Variants in PKHD1L1 observed in about 807,000 individuals in gnomAD.
PKHD1L1 encodes fibrocystin-L.
PKHD1L1 carries 434 observed loss-of-function variants against 462.9 expected under a neutral mutation model. The ratio of observed to expected loss-of-function variants is 0.94; its 90% CI spans 0.87 to 1.02. PKHD1L1 has a LOEUF of 1.02. Among genes scored for constraint, PKHD1L1 ranks in the 50% least tolerant of loss-of-function variants. The pLI is 0.00. For missense variants in PKHD1L1, 5,202 were observed against 5,096.1 expected, an observed-to-expected ratio of 1.02 and a Z score of -0.63; for synonymous variants, 1,781 against 1,750.0, an observed-to-expected ratio of 1.02 and a Z score of -0.44.
chr8:109,362,960 A>G (rs1440574718), intron 1 of PKHD1L1, among the ~76,000 whole-genome samples: 1 of 152,172 alleles, frequency 6.6e-6, no homozygotes, highest in Non-Finnish European at 1.5e-5. Flanking sequence ...ACACAAGTAG[A>G]CTGAAATTTG....
At chr8:109,379,988 C>A (rs1454987849) in intron 2 of PKHD1L1, among the ~76,000 whole-genome samples, 1 of 152,166 alleles carries the variant, frequency 6.6e-6, no homozygotes, top group Admixed American at 6.5e-5. Flanking sequence ...CAACCACCAC[C>A]TAACAAGAGC....
chr8:109,518,578 G>C (rs966968751), intron 73 of PKHD1L1, 70 bp downstream of exon 73: 2 of 1,312,274 alleles, frequency 1.5e-6, no homozygotes, highest in East Asian at 4.9e-5. Flanking sequence ...AACCTGATCA[G>C]GGCTTGGTGA....
At position 109,398,548 on chromosome 8, in the gene PKHD1L1, G is replaced by C; in HGVS notation, c.1012G>C (p.Gly338Arg). The change falls in exon 12 of 78, where the codon GGA becomes CGA. Residue 338 changes from glycine to arginine, a missense_variant and splice_region_variant. Coordinates refer to ENST00000378402, the MANE Select transcript of PKHD1L1 (RefSeq NM_177531.6). Reference sequence around the variant, plus strand: ...TCATATTCTCAAAACTGTATATCCAGGTAAGTTACCATAAGGGACAATGGC... The same window carrying C: ...TCATATTCTCAAAACTGTATATCCACGTAAGTTACCATAAGGGACAATGGC... Reference protein sequence around the residue: ...KPHILKTVYPGGRGLKLEVWN... With the variant: ...KPHILKTVYPRGRGLKLEVWN... The C allele has an allele frequency of 1.3e-6, 2 of 1,522,032 alleles. No homozygotes were observed. Among genetic ancestry groups the C allele is most frequent in the Non-Finnish European group, 9.0e-7 (1 of 1,114,384 alleles). The allele number at this position is 1,522,032 out of a possible 1,614,324, so 94.3% of individuals were successfully genotyped here.
At chr8:109,450,912 G>A (rs1816451538) in intron 40 of PKHD1L1, 63 bp from the exon 41 acceptor site, 1 of 1,463,680 alleles carries the variant, frequency 6.8e-7, no homozygotes, top group African/African-American at 1.4e-5. Flanking sequence ...AATGTTTGGA[G>A]GTTTTGGAAA....
chr8:109,381,226 T>G, intron 2 of PKHD1L1, 144 bp from the exon 3 acceptor site: 2 of 733,508 alleles, frequency 2.7e-6, no homozygotes, highest in Non-Finnish European at 4.3e-6. Context: ...AAGATTACAA[T>G]CATAAGGATA....
chr8:109,492,017 T>C, intron 62 of PKHD1L1, 23 bp downstream of exon 62: 1 of 1,426,870 alleles, frequency 7.0e-7, no homozygotes, highest in Non-Finnish European at 9.4e-7. Context: ...AACTTATAAT[T>C]ATACTAATTT....
chr8:109,401,176 A>G (rs1436078095), intron 13 of PKHD1L1, among the ~76,000 whole-genome samples: 1 of 152,096 alleles, frequency 6.6e-6, no homozygotes, highest in Non-Finnish European at 1.5e-5. Flanking sequence ...TTTATTTGTC[A>G]ATAACTACCT....
intron 9 of PKHD1L1, among the ~76,000 whole-genome samples, chr8:109,392,177 G>T (rs781454595): frequency 2.0e-5 from 3 of 151,874 alleles, no homozygotes; most frequent in Non-Finnish European, 1.5e-5. Context: ...ATTATTTTTT[G>T]AACTACATAT....
intron 59 of PKHD1L1, among the ~76,000 whole-genome samples, chr8:109,489,063 G>A (rs1261712684): frequency 6.6e-6 from 1 of 151,796 alleles, no homozygotes; most frequent in Admixed American, 6.6e-5. Flanking sequence ...AAGCCCAGGT[G>A]GCTTGTAGTA....
intron 30 of PKHD1L1, 68 bp downstream of exon 30, chr8:109,436,527 A>T (rs1815423977): frequency 6.4e-7 from 1 of 1,566,602 alleles, no homozygotes; most frequent in Non-Finnish European, 8.7e-7. Flanking sequence ...GAAACATCTC[A>T]GTGGGGCGGG....
intron 13 of PKHD1L1, among the ~76,000 whole-genome samples, chr8:109,401,016 C>T (rs1813243933): frequency 6.6e-6 from 1 of 152,094 alleles, no homozygotes; most frequent in South Asian, 2.1e-4. Flanking sequence ...ATAGTTTGTA[C>T]TCCAAAGCAT....
At chr8:109,467,649 T>C (rs1730351814) in intron 50 of PKHD1L1, among the ~76,000 whole-genome samples, 1 of 152,100 alleles carries the variant, frequency 6.6e-6, no homozygotes, top group African/African-American at 2.4e-5. Flanking sequence ...ATTCCATCCA[T>C]CATCTCTCTA....
Position 109,415,847 on chromosome 8 carries a change from TAA to T in PKHD1L1, c.2360+2315_2360+2316del, listed in dbSNP as rs71305948. On this transcript the variant is annotated intron_variant, in intron 21 of 77. Transcript: ENST00000378402. The stretch of plus-strand genomic sequence containing the variant: ...TGGGTGACAGAATGAGACCTTGTCT[TAA>T]AAAAAAAAAAAAGGGGTGTGTGTGT... Among the ~76,000 whole-genome samples, 63 of 116,984 alleles carry T rather than the reference TAA, an allele frequency of 5.4e-4. 1 individual carries two copies. The highest frequency in any genetic ancestry group is 4.4e-3 in the Middle Eastern group (1 of 228). The allele number at this position is 116,984 out of a possible 152,430, so 76.7% of individuals were successfully genotyped here. A position where few individuals can be genotyped will look rare whatever the true frequency, so the allele number is the denominator to read the frequency against.
At chr8:109,423,271 A>G (rs1814569723) in intron 23 of PKHD1L1, among the ~76,000 whole-genome samples, 1 of 151,994 alleles carries the variant, frequency 6.6e-6, no homozygotes, top group South Asian at 2.1e-4. Flanking sequence ...TTTACATTTT[A>G]TATTTAAGGG....
chr8:109,527,054 C>T (rs756253566), intron 77 of PKHD1L1, 34 bp downstream of exon 77: 1 of 1,517,664 alleles, frequency 6.6e-7, no homozygotes, highest in Non-Finnish European at 9.0e-7. Flanking sequence ...TATTTCTCCA[C>T]ATGTTGAAGT....
chr8:109,498,735 A>C lies in PKHD1L1; in HGVS notation c.10792A>C (p.Ser3598Arg), dbSNP rs191412861. The C allele has an allele frequency of 5.6e-3, 9,074 of 1,613,902 alleles. 61 individuals carry two copies. The highest frequency in any genetic ancestry group is 0.023 in the South Asian group (2,139 of 91,042). Residue 3598 changes from serine (S) to arginine (R), a missense_variant, in exon 67 of 78, where the codon AGT (serine) becomes CGT (arginine). Transcript: ENST00000378402. ...APRKPHAGIM[S>R]YNAISGLLDI... Reference sequence around the variant, plus strand: ...CCGAAAGCCCCATGCAGGAATCATGAGTTACAATGCCATCAGTGGCCTTTT... The same window carrying C: ...CCGAAAGCCCCATGCAGGAATCATGCGTTACAATGCCATCAGTGGCCTTTT...
At chr8:109,529,734 C>T (rs1673399) in intron 77 of PKHD1L1, among the ~76,000 whole-genome samples, 36,041 of 151,872 alleles carry the variant, frequency 0.24, 4,967 homozygotes, top group African/African-American at 0.34. Flanking sequence ...AATTTAAACA[C>T]CATTAATGGA....
At chr8:109,445,789 T>C in intron 38 of PKHD1L1, 144 bp downstream of exon 38, 1 of 896,584 alleles carries the variant, frequency 1.1e-6, no homozygotes, top group Middle Eastern at 3.5e-4. Flanking sequence ...ATTCAAGCTC[T>C]GTGTAGTCTC....
rs191519300 is a variant in PKHD1L1, at chr8:109,375,267, A to G, written c.164-6103A>G. Among the ~76,000 whole-genome samples, 777 of 152,230 alleles carry G rather than the reference A, an allele frequency of 5.1e-3. 8 individuals are homozygous for G. The highest frequency in any genetic ancestry group is 0.018 in the African/African-American group (748 of 41,506). On this transcript the variant is annotated intron_variant, in intron 2 of 77. Coordinates refer to ENST00000378402, the MANE Select transcript of PKHD1L1 (RefSeq NM_177531.6). ...TCATTCATTTCATCTTCCATCGCTG[A>G]TACCCTATCTTCCAGTTGATCGCAT...
Sources: allele counts gnomAD v4.1 joint callset (sites outside exome capture counted in the v4.1 genomes callset), GRCh38; gene constraint gnomAD v4.1.1; transcripts MANE v1.5; gene names NCBI Gene and HGNC (gene_info 2026-07-23, HGNC 2026-07-21).